Variants in DOP1B observed in about 807,000 individuals in gnomAD.
DOP1B encodes the protein protein DOP1B.
In DOP1B, 174 loss-of-function variants were observed where a neutral mutation model predicts 233.5. The ratio of observed to expected loss-of-function variants is 0.75; its 90% CI spans 0.66 to 0.85. The LOEUF (loss-of-function observed/expected upper bound fraction) is 0.85, where lower values mean the gene tolerates loss of function less well. Ranked by LOEUF, DOP1B falls within the 40% of genes least tolerant of loss-of-function variation. The probability of loss-of-function intolerance (pLI) is 0.00; values close to 1 mark genes in which losing one functional copy is unlikely to be tolerated. For synonymous variants in DOP1B, 1,190 were observed against 1,185.6 expected, an observed-to-expected ratio of 1.00 and a Z score of -0.08; for missense variants, 2,652 against 2,846.6, an observed-to-expected ratio of 0.93 and a Z score of 1.56.
At chr21:36,231,310 A>G (rs1446670621) in intron 14 of DOP1B, among the ~76,000 whole-genome samples, 176 bp downstream of exon 14, 1 of 152,214 alleles carries the variant, frequency 6.6e-6, no homozygotes, top group African/African-American at 2.4e-5. Flanking sequence ...CCTAATCCAG[A>G]AATCCAAAAT....
chr21:36,230,918 T>A lies in DOP1B; in HGVS notation c.2134T>A (p.Ser712Thr). Residue 712 changes from serine (S) to threonine (T), a missense_variant, in exon 14 of 37, where the codon TCA becomes ACA. Physicochemically the swap from Ser to Thr is moderately conservative, Grantham distance 58 (BLOSUM62 1). This residue lies in a region of DOP1B where 2,617 missense variants were observed against 2,794.3 expected (regional missense o/e 0.94). Coordinates refer to ENST00000691173, the MANE Select transcript of DOP1B (RefSeq NM_001320714.2). The stretch of plus-strand genomic sequence containing the variant: ...AGGGTCTCCATTCAAGACAAAAAGT[T>A]CAGAGTCACCATCGTCTTCGCCCAG... ...ARGSPFKTKS[S>T]ESPSSSPSSP... 5 of 1,614,118 alleles carry A rather than the reference T, an allele frequency of 3.1e-6. No homozygotes were observed. The highest frequency in any genetic ancestry group is 4.2e-6 in the Non-Finnish European group (5 of 1,180,026).
intron 30 of DOP1B, among the ~76,000 whole-genome samples, chr21:36,280,024 C>T (rs1028420410): frequency 2.0e-5 from 3 of 152,210 alleles, no homozygotes; most frequent in East Asian, 1.9e-4. Context: ...TACAGGCATG[C>T]GCCACCACGC....
intron 10 of DOP1B, among the ~76,000 whole-genome samples, chr21:36,222,441 G>T (rs909826705): frequency 5.3e-5 from 8 of 151,490 alleles, no homozygotes. Context: ...ACTTAGCTGG[G>T]CGTGGTGGTG....
chr21:36,164,968 T>C (rs1254052823), intron 2 of DOP1B, 97 bp downstream of exon 2: 2 of 1,065,314 alleles, frequency 1.9e-6, no homozygotes, highest in Non-Finnish European at 2.4e-6. Flanking sequence ...ATTTGTATTT[T>C]ATAATCTTTA....
At chr21:36,253,952 G>A (rs2067063384) in intron 23 of DOP1B, 43 bp downstream of exon 23, 1 of 1,595,602 alleles carries the variant, frequency 6.3e-7, no homozygotes, top group Non-Finnish European at 8.6e-7. Flanking sequence ...CAGATTAGTG[G>A]GTGGCATTTG....
chr21:36,257,665 T>TGTAG (rs35196029), intron 23 of DOP1B, among the ~76,000 whole-genome samples: 86,215 of 149,932 alleles, frequency 0.58, 25,114 homozygotes, highest in African/African-American at 0.66. Context: ...AATAGATAGA[T>TGTAG]GTAGGTAGGT....
chr21:36,231,386 A>G (rs1177714506), intron 14 of DOP1B, among the ~76,000 whole-genome samples: 3 of 152,144 alleles, frequency 2.0e-5, no homozygotes, highest in Non-Finnish European at 4.4e-5. Flanking sequence ...CAGGTTTTGG[A>G]TTTGGAATTT....
In DOP1B at chr21:36,261,508, G is replaced by A. The variant is rs2067171142; in HGVS notation, c.5315+776G>A. The A allele has an allele frequency of 4.1e-6, 4 of 985,382 alleles. No homozygotes were observed. In the South Asian group the frequency reaches 1.9e-4, roughly 46 times the overall value. The allele number at this position is 985,382 out of a possible 1,614,324, so 61.0% of individuals were successfully genotyped here. On this transcript the variant is annotated intron_variant, in intron 24 of 36. Transcript: ENST00000691173. Reference sequence around the variant, plus strand: ...GTGTCTCAGCTAAGAGAGCATTAAAGGGGATTCCGCAGGTTTTTCCCCATG... The same window carrying A: ...GTGTCTCAGCTAAGAGAGCATTAAAAGGGATTCCGCAGGTTTTTCCCCATG...
At position 36,184,661 on chromosome 21, in the gene DOP1B, G is replaced by A. The variant is rs148554498; in HGVS notation, c.139-14409G>A. On this transcript the variant is annotated intron_variant, in intron 2 of 36. Coordinates refer to ENST00000691173, the MANE Select transcript of DOP1B (RefSeq NM_001320714.2). ...GCTATCGTGGAGAGCTGTGTGCTTC[G>A]CTGCCGGCCTGAGGCTCTGCGTTCC... is the stretch of plus-strand genomic sequence containing the variant. Among the ~76,000 whole-genome samples, 113 of 152,344 alleles carry A rather than the reference G, an allele frequency of 7.4e-4. 2 individuals carry two copies. Among genetic ancestry groups the A allele is most frequent in the African/African-American group, 7.5e-4 (31 of 41,580 alleles).
intron 4 of DOP1B, among the ~76,000 whole-genome samples, chr21:36,204,656 C>CTTTTTT (rs1255662240): frequency 1.9e-5 from 1 of 53,800 alleles, no homozygotes; most frequent in Non-Finnish European, 3.3e-5. Flanking sequence ...GCTGACATTT[C>CTTTTTT]TATTTTTTTT....
chr21:36,228,638 C>T (rs541488516), intron 13 of DOP1B, among the ~76,000 whole-genome samples: 99 of 150,190 alleles, frequency 6.6e-4, no homozygotes, highest in Non-Finnish European at 1.2e-3. Flanking sequence ...CAGTGGCGGG[C>T]GCCTGTAGTC....
intron 1 of DOP1B, among the ~76,000 whole-genome samples, chr21:36,159,574 C>T (rs752154685): frequency 5.3e-5 from 8 of 152,246 alleles, no homozygotes; most frequent in Non-Finnish European, 8.8e-5. Flanking sequence ...GCATGAATGA[C>T]GATTTCCAAA....
chr21:36,221,873 G>A (rs1467934292), intron 10 of DOP1B, among the ~76,000 whole-genome samples: 2 of 152,072 alleles, frequency 1.3e-5, no homozygotes, highest in Non-Finnish European at 2.9e-5. Flanking sequence ...ACTGCGCACA[G>A]CCTGTTTGTT....
At position 36,230,929 on chromosome 21, in the gene DOP1B, A is replaced by T. The variant is rs199514219; in HGVS notation, c.2145A>T (p.Pro715=). The stretch of plus-strand genomic sequence containing the variant: ...TCAAGACAAAAAGTTCAGAGTCACC[A>T]TCGTCTTCGCCCAGCAGCCCTGCCA... ...SPFKTKSSES[P]SSSPSSPARK... Residue 715 remains proline, a synonymous_variant, in exon 14 of 37, where the codon CCA becomes CCT. Transcript: ENST00000691173. 5 of 1,614,170 alleles carry T rather than the reference A, an allele frequency of 3.1e-6. No homozygotes were observed. The highest frequency in any genetic ancestry group is 4.2e-6 in the Non-Finnish European group (5 of 1,180,032).
intron 13 of DOP1B, 82 bp downstream of exon 13, chr21:36,227,959 G>C: frequency 7.5e-7 from 1 of 1,328,454 alleles, no homozygotes; most frequent in Non-Finnish European, 1.0e-6. Flanking sequence ...CTTTAGGGTT[G>C]GTTAGGATAG....
intron 15 of DOP1B, among the ~76,000 whole-genome samples, chr21:36,235,338 G>A (rs1407441601): frequency 6.6e-6 from 1 of 152,072 alleles, no homozygotes; most frequent in Non-Finnish European, 1.5e-5. Context: ...TAGCCCAAGG[G>A]TGCCCTGACC....
intron 28 of DOP1B, 74 bp from the exon 29 acceptor site, chr21:36,277,901 C>G (rs897408866): frequency 5.7e-6 from 7 of 1,238,292 alleles, no homozygotes; most frequent in Non-Finnish European, 7.1e-6. Flanking sequence ...CTCAGCCTCC[C>G]GAAGTGCTGG....
In DOP1B at chr21:36,227,730, C is replaced by T. The variant is rs140548585; in HGVS notation, c.1518C>T (p.Leu506=). The T allele has an allele frequency of 7.5e-4, 1,202 of 1,605,676 alleles. No homozygotes were observed. Among genetic ancestry groups the T allele is most frequent in the Non-Finnish European group, 9.7e-4 (1,134 of 1,174,354 alleles). Residue 506 remains leucine, a synonymous_variant, in exon 13 of 37, where the codon CTC becomes CTT. Coordinates refer to ENST00000691173, the MANE Select transcript of DOP1B (RefSeq NM_001320714.2). ...AAACCCAGTATCTCCCTCAGGTGCT[C>T]GGCTGCCTGGTGCAGCCTCTTGCTG... is the stretch of plus-strand genomic sequence containing the variant. The part of the protein sequence containing the change: ...EVQTQYLPQV[L]GCLVQPLAED...
rs62229365 is a variant in DOP1B, at chr21:36,291,342, C to T, written c.6516-762C>T. Among the ~76,000 whole-genome samples, 733 of 150,484 alleles carry T rather than the reference C, an allele frequency of 4.9e-3. 7 individuals are homozygous for T. The highest frequency in any genetic ancestry group is 5.2e-3 in the Non-Finnish European group (350 of 67,610). ...TTAGGAGGCTGAGGCAGGTGGATCA[C>T]GAGGTCAGGAGTTCAAGACCAGCCT... On this transcript the variant is annotated intron_variant, in intron 35 of 36. Coordinates refer to ENST00000691173, the MANE Select transcript of DOP1B (RefSeq NM_001320714.2).
Sources: gnomAD v4.1 joint callset for allele counts (sites outside exome capture counted in the v4.1 genomes callset) on GRCh38, gnomAD v4.1.1 for gene constraint, gnomAD v4.1.1 regional missense constraint, MANE v1.5 for transcripts, NCBI Gene and HGNC (gene_info 2026-07-23, HGNC 2026-07-21) for gene names.